NEK10: variants seen among roughly 807,000 people sequenced by gnomAD.
The protein encoded by NEK10 is NIMA related kinase 10.
In NEK10, 122 loss-of-function variants were observed where a neutral mutation model predicts 159.8. The ratio of observed to expected loss-of-function variants is 0.76; its 90% CI spans 0.66 to 0.89. The LOEUF is 0.89. Ranked by LOEUF, NEK10 falls within the 40% of genes least tolerant of loss-of-function variation. NEK10 has a pLI of 0.00. For missense variants in NEK10, 1,342 were observed against 1,323.1 expected, an observed-to-expected ratio of 1.01 and a Z score of -0.22; for synonymous variants, 466 against 457.1, an observed-to-expected ratio of 1.02 and a Z score of -0.25.
intron 1 of NEK10, among the ~76,000 whole-genome samples, chr3:27,362,621 A>C (rs912777394): frequency 6.6e-6 from 1 of 150,820 alleles, no homozygotes; most frequent in African/African-American, 2.4e-5. Flanking sequence ...AATGGCAAAA[A>C]CTGCAATTAC....
chr3:27,180,620 G>C (rs1435447858), intron 26 of NEK10, among the ~76,000 whole-genome samples: 2 of 152,170 alleles, frequency 1.3e-5, no homozygotes, highest in Non-Finnish European at 2.9e-5. Context: ...CACCAAATTA[G>C]AACCTCATTG....
intron 25 of NEK10, among the ~76,000 whole-genome samples, chr3:27,199,186 C>G (rs1447740549): frequency 6.6e-6 from 1 of 151,556 alleles, no homozygotes; most frequent in Non-Finnish European, 1.5e-5. Flanking sequence ...ATCTACAGAA[C>G]AGAAGAAAAT....
At chr3:27,321,530 G>A (rs1471745962) in intron 6 of NEK10, among the ~76,000 whole-genome samples, 2 of 152,086 alleles carry the variant, frequency 1.3e-5, no homozygotes, top group East Asian at 3.9e-4. Context: ...AATATTAGCC[G>A]GACATGGTGG....
rs561296323 is a variant in NEK10 at position 27,108,937 on chromosome 3, T to C, written c.*2335A>G. On this transcript the variant is annotated 3_prime_UTR_variant, in exon 36 of 36. Coordinates refer to ENST00000691995, the MANE Select transcript of NEK10 (RefSeq NM_001394966.1). ...TGTGGTAGTTTAGGGAGAATTCAAATAGAGCATATTCATACTTTTAGCAAA... is the reference window on the plus strand; with the variant it reads ...TGTGGTAGTTTAGGGAGAATTCAAACAGAGCATATTCATACTTTTAGCAAA... Among the ~76,000 whole-genome samples, 9 of 152,360 alleles carry C rather than the reference T, an allele frequency of 5.9e-5. 1 individual carries two copies. In the South Asian group the frequency reaches 1.9e-3, roughly 32 times the overall value.
intron 1 of NEK10, among the ~76,000 whole-genome samples, chr3:27,364,092 G>T (rs577987371): frequency 8.8e-4 from 134 of 151,646 alleles, no homozygotes; most frequent in Middle Eastern, 6.8e-3. Context: ...TAACTTTTTT[G>T]TGTGTGTGTG....
At chr3:27,352,441 G>A (rs961957895) in intron 3 of NEK10, 24 bp downstream of exon 3, 9 of 1,551,406 alleles carry the variant, frequency 5.8e-6, no homozygotes, top group Middle Eastern at 1.7e-4. Flanking sequence ...TTATTACCAA[G>A]TGAACATTCT....
intron 11 of NEK10, 114 bp downstream of exon 11, chr3:27,307,745 C>T (rs977988121): frequency 4.6e-6 from 3 of 658,478 alleles, no homozygotes; most frequent in Non-Finnish European, 8.2e-6. Flanking sequence ...AAATGCCAAG[C>T]TGACTCATCA....
Position 27,314,276 on chromosome 3 carries a change from C to T in NEK10, c.489+21G>A, listed in dbSNP as rs1446911166. ...GCACAAAATGAAAAGGCAAGACCAG[C>T]CACCACAAAAGGAATCTTACCTGAG... is the stretch of plus-strand genomic sequence containing the variant. On this transcript the variant is annotated intron_variant, in intron 7 of 35. Coordinates refer to ENST00000691995, the MANE Select transcript of NEK10 (RefSeq NM_001394966.1). 9 of 1,577,430 alleles carry T rather than the reference C, an allele frequency of 5.7e-6. No homozygotes were observed. In the South Asian group the frequency reaches 5.7e-5, roughly 10 times the overall value.
At chr3:27,271,335 G>T (rs900408010) in intron 22 of NEK10, among the ~76,000 whole-genome samples, 1 of 151,538 alleles carries the variant, frequency 6.6e-6, no homozygotes, top group African/African-American at 2.4e-5. Flanking sequence ...TTATGTACTG[G>T]AGAAAATTAG....
At chr3:27,312,945 T>A (rs181304901) in intron 7 of NEK10, among the ~76,000 whole-genome samples, 23 of 152,264 alleles carry the variant, frequency 1.5e-4, no homozygotes, top group Middle Eastern at 3.4e-3. Flanking sequence ...TCAGAATGAG[T>A]TTGCAGGGCC....
At position 27,172,030 on chromosome 3, in the gene NEK10, A is replaced by G. The variant is rs555446911; in HGVS notation, c.2777-157T>C. 3.3e-5 allele frequency among the ~76,000 whole-genome samples: 5 copies of G among 152,280 alleles called. No individual in the cohort carries two copies. In the South Asian group the frequency reaches 1.0e-3, roughly 32 times the overall value. On this transcript the variant is annotated intron_variant, in intron 28 of 35. Transcript: ENST00000691995. The stretch of plus-strand genomic sequence containing the variant: ...GGTGGGACTGTAAATTAGTGTAGCC[A>G]TTATGGAAAACAGTATAAAGGTTCT...
intron 13 of NEK10, among the ~76,000 whole-genome samples, chr3:27,298,419 A>G (rs148056621): frequency 6.6e-6 from 1 of 152,302 alleles, no homozygotes; most frequent in Non-Finnish European, 1.5e-5. Flanking sequence ...AGGCCTCCCC[A>G]GCCATGTGGA....
At chr3:27,281,333 T>G (rs1041388032) in intron 22 of NEK10, among the ~76,000 whole-genome samples, 1 of 151,984 alleles carries the variant, frequency 6.6e-6, no homozygotes, top group African/African-American at 2.4e-5. Context: ...GTCTCCAGAT[T>G]GAAGAGCACA....
intron 23 of NEK10, among the ~76,000 whole-genome samples, chr3:27,250,319 T>C (rs1227574765): frequency 1.3e-5 from 2 of 152,076 alleles, no homozygotes; most frequent in African/African-American, 2.4e-5. Flanking sequence ...CCCAAGTAGC[T>C]GGGACTACAG....
chr3:27,214,356 C>A (rs115380330), intron 23 of NEK10, among the ~76,000 whole-genome samples: 2 of 152,114 alleles, frequency 1.3e-5, no homozygotes, highest in Non-Finnish European at 2.9e-5. Flanking sequence ...AAGTATTTTA[C>A]GGAGCTTGGC....
intron 30 of NEK10, among the ~76,000 whole-genome samples, chr3:27,158,235 C>A (rs1307568980): frequency 1.3e-5 from 2 of 151,858 alleles, no homozygotes; most frequent in Non-Finnish European, 2.9e-5. Context: ...TAATTATATG[C>A]CAAATTATAT....
At chr3:27,205,766 C>T (rs1446781790) in intron 23 of NEK10, among the ~76,000 whole-genome samples, 1 of 134,546 alleles carries the variant, frequency 7.4e-6, no homozygotes, top group African/African-American at 2.9e-5. Flanking sequence ...TAGAAGAAAA[C>T]CTAGGCATTA....
Position 27,131,935 on chromosome 3 carries a change from T to A in NEK10, c.3026A>T (p.Lys1009Ile). 6.2e-7 allele frequency: 1 copy of A among 1,609,678 alleles called. No individual in the cohort carries two copies. The highest frequency in any genetic ancestry group is 8.5e-7 in the Non-Finnish European group (1 of 1,177,052). Residue 1009 changes from lysine (K) to isoleucine (I), a missense_variant, in exon 32 of 36, where the codon AAA (lysine) becomes ATA (isoleucine). Coordinates refer to ENST00000691995, the MANE Select transcript of NEK10 (RefSeq NM_001394966.1). ...GTTACTCTGCTGGCTGAAGAGGGAT[T>A]TCTTGAATCTCTCTATAACCCTTCT... is the stretch of plus-strand genomic sequence containing the variant. Reference protein sequence around the residue: ...LKRRVIERFKKSLFSQQSNPC... With the variant: ...LKRRVIERFKISLFSQQSNPC...
At chr3:27,296,529 T>C (rs1483444072) in intron 14 of NEK10, among the ~76,000 whole-genome samples, 1 of 152,218 alleles carries the variant, frequency 6.6e-6, no homozygotes, top group African/African-American at 2.4e-5. Flanking sequence ...GTACGGATCT[T>C]GAAGTTGGAT....
Sources: gnomAD v4.1 joint callset for allele counts (sites outside exome capture counted in the v4.1 genomes callset) on GRCh38, gnomAD v4.1.1 for gene constraint, MANE v1.5 for transcripts, NCBI Gene and HGNC (gene_info 2026-07-23, HGNC 2026-07-21) for gene names.